The following ACTN1 variants were observed in gnomAD, a reference collection of about 807,000 sequenced individuals.
ACTN1 encodes the protein alpha-actinin-1.
A neutral mutation model predicts 119.6 loss-of-function variants in ACTN1; 30 were observed. The observed-to-expected ratio is 0.25, with a 90% CI of 0.19 to 0.34. The LOEUF is 0.34. ACTN1 is among the 10% of genes least tolerant of loss of function. The probability of loss-of-function intolerance (pLI) is 1.00; values close to 1 mark genes in which losing one functional copy is unlikely to be tolerated. For missense variants in ACTN1, 764 were observed against 1,223.4 expected, an observed-to-expected ratio of 0.62 and a Z score of 5.60; for synonymous variants, 429 against 472.6, an observed-to-expected ratio of 0.91 and a Z score of 1.20.
rs752133169 is a variant in ACTN1 at position 68,978,926 on chromosome 14, TGCAGCGGGC to T, written c.105+17_105+25del. On this transcript the variant is annotated intron_variant, in intron 1 of 21. Transcript: ENST00000394419. ...GGGCTGGGGGCTGGGGGCTGGGGGC[TGCAGCGGGC>T]GGGGGCGGCTGCTAACCTTTCTCTG... 3.4e-5 allele frequency: 50 copies of T among 1,479,036 alleles called. No homozygotes were observed. Among genetic ancestry groups the T allele is most frequent in the Non-Finnish European group, 3.8e-5 (41 of 1,086,098 alleles). The allele number at this position is 1,479,036 out of a possible 1,614,324, so 91.6% of individuals were successfully genotyped here.
At chr14:68,956,541 C>A (rs2036357159) in intron 1 of ACTN1, among the ~76,000 whole-genome samples, 1 of 152,130 alleles carries the variant, frequency 6.6e-6, no homozygotes. Flanking sequence ...CAGTTTTACA[C>A]AAACCTAGGT....
In ACTN1 at chr14:68,902,577, C is replaced by G. The variant is rs778017263; in HGVS notation, c.677-15G>C. ...TCCAACGATGTCTGTCAAGAAAAAT[C>G]TGGAGTTAAAGCCAGCTGGTTCCAA... is the stretch of plus-strand genomic sequence containing the variant. On this transcript the variant is annotated splice_polypyrimidine_tract_variant and intron_variant, in intron 7 of 21. Coordinates refer to ENST00000394419, the MANE Select transcript of ACTN1 (RefSeq NM_001130004.2). 2 of 1,612,664 alleles carry G rather than the reference C, an allele frequency of 1.2e-6. No individual in the cohort carries two copies. The highest frequency in any genetic ancestry group is 4.5e-5 in the East Asian group (2 of 44,822).
Position 68,925,757 on chromosome 14 carries a change from G to A in ACTN1, c.106-85C>T, listed in dbSNP as rs2140388193. ...AAGCCATTTAATGGTGCCAGGGGGT[G>A]GGAGGTGGACACCTACTCAGCAGAG... On this transcript the variant is annotated intron_variant, in intron 1 of 21. Transcript: ENST00000394419. This position sits in a 1 kb window ranked among gnomAD's most constrained non-coding sequence, Gnocchi z 4.3. The A allele has an allele frequency of 2.8e-6, 3 of 1,084,074 alleles. No homozygotes were observed. The highest frequency in any genetic ancestry group is 4.1e-6 in the Non-Finnish European group (3 of 734,492). The allele number at this position is 1,084,074 out of a possible 1,614,324, so 67.2% of individuals were successfully genotyped here.
intron 1 of ACTN1, among the ~76,000 whole-genome samples, chr14:68,951,815 T>C (rs930421986): frequency 3.9e-5 from 6 of 152,196 alleles, no homozygotes; most frequent in African/African-American, 1.4e-4. Flanking sequence ...TCAGGCCAAG[T>C]AACCCCATCA....
intron 1 of ACTN1, among the ~76,000 whole-genome samples, chr14:68,934,066 G>A (rs2035364470): frequency 6.6e-6 from 1 of 152,010 alleles, no homozygotes; most frequent in Non-Finnish European, 1.5e-5. Flanking sequence ...ACATCCCACA[G>A]GCCCCCCAAA....
chr14:68,937,107 T>A (rs372364394), intron 1 of ACTN1, among the ~76,000 whole-genome samples: 2 of 152,162 alleles, frequency 1.3e-5, no homozygotes, highest in South Asian at 4.1e-4. Flanking sequence ...CTTTCCTGCA[T>A]GGATTCCTGG....
rs573583128 is a variant in ACTN1 at position 68,946,170 on chromosome 14, C to T, written c.106-20498G>A. 9.9e-5 allele frequency among the ~76,000 whole-genome samples: 15 copies of T among 152,210 alleles called. No homozygotes were observed. The East Asian group carries it at 1.9e-3, about 20-fold the overall frequency. Reference sequence around the variant, plus strand: ...GTCCGTAACAGGGCCCCTCCGCTCACAGCCCACCAGCCCACCAGCCCACCT... The same window carrying T: ...GTCCGTAACAGGGCCCCTCCGCTCATAGCCCACCAGCCCACCAGCCCACCT... On this transcript the variant is annotated intron_variant, in intron 1 of 21. Transcript: ENST00000394419.
chr14:68,890,535 G>C (rs1220060443), intron 10 of ACTN1, among the ~76,000 whole-genome samples: 1 of 152,136 alleles, frequency 6.6e-6, no homozygotes, highest in East Asian at 1.9e-4. Flanking sequence ...ACCCAGCTAT[G>C]GGACTTTGAG....
intron 1 of ACTN1, among the ~76,000 whole-genome samples, chr14:68,927,299 T>C (rs781167902): frequency 6.6e-6 from 1 of 152,168 alleles, no homozygotes; most frequent in Non-Finnish European, 1.5e-5. Context: ...CACACACCCA[T>C]AGCACCCTGC....
At chr14:68,906,164 T>C (rs1183234302) in intron 6 of ACTN1, among the ~76,000 whole-genome samples, 1 of 152,194 alleles carries the variant, frequency 6.6e-6, no homozygotes, top group Non-Finnish European at 1.5e-5. Context: ...GTAGGAACAG[T>C]TGTACAATAA....
chr14:68,956,279 A>C (rs1285881617), intron 1 of ACTN1, among the ~76,000 whole-genome samples: 3 of 152,248 alleles, frequency 2.0e-5, no homozygotes, highest in African/African-American at 4.8e-5. Context: ...CCACCTGGGC[A>C]ACATGGTGAG....
In ACTN1 at chr14:68,879,119, G is replaced by A. The variant is rs765447500; in HGVS notation, c.2281-50C>T. On this transcript the variant is annotated intron_variant, in intron 18 of 21. Transcript: ENST00000394419. The surrounding 1 kb of genome is among the most constrained non-coding windows in gnomAD (Gnocchi z 4.9). ...CGAGCCATGCGGTGTCAGGGAGGTGGAGCCGTGAGGGGGGCATGCCCCGGG... is the reference window on the plus strand; with the variant it reads ...CGAGCCATGCGGTGTCAGGGAGGTGAAGCCGTGAGGGGGGCATGCCCCGGG... 4 of 1,557,296 alleles carry A rather than the reference G, an allele frequency of 2.6e-6. No individual in the cohort carries two copies. Among genetic ancestry groups the A allele is most frequent in the South Asian group, 2.4e-5 (2 of 84,832 alleles).
chr14:68,927,575 G>A (rs1393285699), intron 1 of ACTN1, among the ~76,000 whole-genome samples: 3 of 152,154 alleles, frequency 2.0e-5, no homozygotes, highest in Non-Finnish European at 4.4e-5. Flanking sequence ...CACCTTGTGG[G>A]TGAGGCTGAA....
At chr14:68,945,196 A>AAAG (rs1336296601) in intron 1 of ACTN1, among the ~76,000 whole-genome samples, 5 of 151,844 alleles carry the variant, frequency 3.3e-5, no homozygotes, top group South Asian at 2.1e-4. Context: ...GAAAGAAAGA[A>AAAG]AAGAAGAAGA....
chr14:68,905,863 G>T (rs974619556), intron 6 of ACTN1, among the ~76,000 whole-genome samples: 1 of 151,810 alleles, frequency 6.6e-6, no homozygotes, highest in Non-Finnish European at 1.5e-5. Flanking sequence ...GTGGTGGCAC[G>T]TCCCAGCTAC....
intron 3 of ACTN1, among the ~76,000 whole-genome samples, chr14:68,917,782 T>C (rs1380907091): frequency 6.6e-6 from 1 of 152,228 alleles, no homozygotes; most frequent in Non-Finnish European, 1.5e-5. Context: ...AAGGAACTTT[T>C]CGTCGGGGCG....
rs186873601 is a variant in ACTN1 at position 68,966,166 on chromosome 14, G to A, written c.105+12786C>T. ...CAGGAGGTAGAAGCTGCAGTAAGCT[G>A]AGATCATGCCACTGCACTCCAGCCT... On this transcript the variant is annotated intron_variant, in intron 1 of 21. Transcript: ENST00000394419. Among the ~76,000 whole-genome samples, 4 of 152,304 alleles carry A rather than the reference G, an allele frequency of 2.6e-5. No individual in the cohort carries two copies. In the South Asian group the frequency reaches 8.3e-4, roughly 32 times the overall value.
chr14:68,905,214 A>G (rs1271052586), intron 6 of ACTN1, among the ~76,000 whole-genome samples: 1 of 150,384 alleles, frequency 6.6e-6, no homozygotes, highest in Non-Finnish European at 1.5e-5. Context: ...TCTGGTGCTC[A>G]CATTTCATGA....
At position 68,936,669 on chromosome 14, in the gene ACTN1, T is replaced by G; in HGVS notation, c.106-10997A>C. On this transcript the variant is annotated intron_variant, in intron 1 of 21. Transcript: ENST00000394419. The stretch of plus-strand genomic sequence containing the variant: ...ATGGGGGAAGAGCCAGTGGGGAGCC[T>G]GGCCGGGTGAAGTCCTGGGCAAGAA... 8.0e-6 allele frequency: 5 copies of G among 625,170 alleles called. No individual in the cohort carries two copies. In the Middle Eastern group the frequency reaches 1.9e-3, roughly 237 times the overall value. 38.7% of individuals were successfully genotyped at this position (625,170 alleles called of 1,614,324 possible).
Sources: gnomAD v4.1 joint callset for allele counts (sites outside exome capture counted in the v4.1 genomes callset) on GRCh38, gnomAD v4.1.1 for gene constraint, Gnocchi (gnomAD v3.1) non-coding constraint, MANE v1.5 for transcripts, NCBI Gene and HGNC (gene_info 2026-07-23, HGNC 2026-07-21) for gene names.